PPFIBP1: variants seen among roughly 807,000 people sequenced by gnomAD.
PPFIBP1 encodes PPFIB scaffold protein 1.
Under a neutral mutation model 137.8 loss-of-function variants are expected in PPFIBP1, and 112 were observed. The ratio of observed to expected loss-of-function variants is 0.81; its 90% CI spans 0.70 to 0.95. PPFIBP1 has a LOEUF of 0.95. Among genes scored for constraint, PPFIBP1 ranks in the 40% least tolerant of loss-of-function variants. The probability of loss-of-function intolerance (pLI) is 0.00; values close to 1 mark genes in which losing one functional copy is unlikely to be tolerated. For synonymous variants in PPFIBP1, 378 were observed against 417.3 expected, an observed-to-expected ratio of 0.91 and a Z score of 1.15; for missense variants, 1,083 against 1,196.6, an observed-to-expected ratio of 0.91 and a Z score of 1.40.
At chr12:27,671,408 G>T in intron 13 of PPFIBP1, 23 bp from the exon 14 acceptor site, 2 of 1,340,952 alleles carry the variant, frequency 1.5e-6, no homozygotes, top group South Asian at 1.4e-5. Flanking sequence ...TTGATTGATT[G>T]ATTTTTTGTA....
At chr12:27,603,821 T>A (rs757554622) in intron 2 of PPFIBP1, among the ~76,000 whole-genome samples, 1 of 152,208 alleles carries the variant, frequency 6.6e-6, no homozygotes, top group African/African-American at 2.4e-5. Flanking sequence ...ATCTGGATGT[T>A]CAGAGCCAAC....
rs958085698 is a variant in PPFIBP1 at position 27,633,279 on chromosome 12, G to T, written c.-35-83G>T. 3.3e-6 allele frequency: 3 copies of T among 910,342 alleles called. No individual in the cohort carries two copies. In the African/African-American group the frequency reaches 5.0e-5, roughly 15 times the overall value. The allele number at this position is 910,342 out of a possible 1,614,324, so 56.4% of individuals were successfully genotyped here. A position where few individuals can be genotyped will look rare whatever the true frequency, so the allele number is the denominator to read the frequency against. On this transcript the variant is annotated intron_variant, in intron 2 of 29. Transcript: ENST00000228425. ...CTTCCATATTTGACTACACAGCAGA[G>T]TTATCATTTGAAGGTGAATTAGAAA... is the stretch of plus-strand genomic sequence containing the variant.
chr12:27,617,155 T>C (rs1271452921), intron 2 of PPFIBP1, among the ~76,000 whole-genome samples: 1 of 152,204 alleles, frequency 6.6e-6, no homozygotes, highest in African/African-American at 2.4e-5. Context: ...AGACATCCAA[T>C]AGAGGTGGCA....
chr12:27,558,982 C>G (rs1375366901), intron 1 of PPFIBP1, among the ~76,000 whole-genome samples: 1 of 151,646 alleles, frequency 6.6e-6, no homozygotes, highest in Non-Finnish European at 1.5e-5. Context: ...AGCCTCCCAA[C>G]TCTAATAGGT....
Position 27,576,532 on chromosome 12 carries a change from G to A in PPFIBP1, c.-123-1620G>A, listed in dbSNP as rs116946668. On this transcript the variant is annotated intron_variant, in intron 1 of 29. Coordinates refer to ENST00000228425, the MANE Select transcript of PPFIBP1 (RefSeq NM_003622.4). ...TTCTGCTCATTACGTTCCAGAGCAG[G>A]AGATGAGGGGGCTAAGTAGGGAAGA... Among the ~76,000 whole-genome samples, 271 of 152,274 alleles carry A rather than the reference G, an allele frequency of 1.8e-3. 2 individuals carry two copies. The South Asian group carries it at 0.035, about 20-fold the overall frequency.
intron 2 of PPFIBP1, among the ~76,000 whole-genome samples, chr12:27,590,777 G>C (rs2052407393): frequency 6.6e-6 from 1 of 152,192 alleles, no homozygotes; most frequent in African/African-American, 2.4e-5. Context: ...AAGCAAGTGT[G>C]TCCCCTTCGG....
At chr12:27,549,891 C>G (rs1242064222) in intron 1 of PPFIBP1, among the ~76,000 whole-genome samples, 1 of 152,164 alleles carries the variant, frequency 6.6e-6, no homozygotes, top group Non-Finnish European at 1.5e-5. Flanking sequence ...AAGGCGAGAC[C>G]TTGAAGCGTG....
intron 15 of PPFIBP1, among the ~76,000 whole-genome samples, chr12:27,672,727 G>C (rs910248011): frequency 2.0e-5 from 3 of 152,130 alleles, no homozygotes; most frequent in African/African-American, 7.2e-5. Flanking sequence ...GGGTTTTGCA[G>C]GTCTCTAGCC....
chr12:27,572,270 A>C (rs1427440536), intron 1 of PPFIBP1, among the ~76,000 whole-genome samples: 1 of 152,216 alleles, frequency 6.6e-6, no homozygotes, highest in Admixed American at 6.5e-5. Context: ...GTATACCAGG[A>C]AGCTGAACCA....
At chr12:27,599,315 G>T (rs2053690826) in intron 2 of PPFIBP1, 2 of 333,868 alleles carry the variant, frequency 6.0e-6, no homozygotes, top group Non-Finnish European at 1.2e-5. Context: ...GAGTAAAGGA[G>T]ATTTTGCACA....
rs1487686208 is a variant in PPFIBP1 at position 27,673,797 on chromosome 12, G to A, written c.1350G>A (p.Leu450=). The A allele has an allele frequency of 2.0e-5, 32 of 1,613,680 alleles. No individual in the cohort carries two copies. Among genetic ancestry groups the A allele is most frequent in the Non-Finnish European group, 2.7e-5 (32 of 1,179,726 alleles). Residue 450 remains leucine, a synonymous_variant, in exon 16 of 30, where the codon CTG becomes CTA. Transcript: ENST00000228425. ...LTSSLQKSSS[L]GNLKKETSDG... ...CAAGTCTGCAGAAGTCCAGCAGCCT[G>A]GGCAATCTGAAGAAAGAGACATCTG...
At chr12:27,657,292 G>A (rs1227703901) in intron 9 of PPFIBP1, among the ~76,000 whole-genome samples, 4 of 151,916 alleles carry the variant, frequency 2.6e-5, no homozygotes, top group African/African-American at 9.7e-5. Context: ...TTTGTTCTGA[G>A]TATTATATGG....
intron 12 of PPFIBP1, among the ~76,000 whole-genome samples, chr12:27,666,084 T>C (rs1399584881): frequency 6.7e-6 from 1 of 148,196 alleles, no homozygotes; most frequent in African/African-American, 2.5e-5. Context: ...GTAATTAGAC[T>C]ATATCGTAAA....
chr12:27,633,500 C>G (rs2057404989), intron 3 of PPFIBP1, 40 bp downstream of exon 3: 1 of 1,551,054 alleles, frequency 6.4e-7, no homozygotes, highest in Middle Eastern at 2.3e-4. Context: ...ACAACATTTA[C>G]TCTCCTCACT....
intron 28 of PPFIBP1, 43 bp downstream of exon 28, chr12:27,691,971 T>C (rs759173835): frequency 2.6e-6 from 4 of 1,511,796 alleles, no homozygotes; most frequent in African/African-American, 2.8e-5. Context: ...TCTTCCATCA[T>C]TCAGACACTA....
chr12:27,587,539 C>T (rs1458942182), intron 2 of PPFIBP1, among the ~76,000 whole-genome samples: 3 of 144,370 alleles, frequency 2.1e-5, no homozygotes, highest in Non-Finnish European at 4.5e-5. Context: ...AGGAGAATGG[C>T]TTGAACCCGG....
intron 2 of PPFIBP1, among the ~76,000 whole-genome samples, chr12:27,591,148 A>G (rs2052471383): frequency 6.6e-6 from 1 of 151,304 alleles, no homozygotes; most frequent in Admixed American, 6.6e-5. Context: ...TTTGCTAAAT[A>G]TTTGTAGAAG....
intron 8 of PPFIBP1, 48 bp from the exon 9 acceptor site, chr12:27,656,568 C>T: frequency 8.6e-7 from 1 of 1,158,992 alleles, no homozygotes; most frequent in South Asian, 1.2e-5. Flanking sequence ...TCTGAATGTT[C>T]CTTTTCAGTC....
chr12:27,596,645 G>T (rs1182912768), intron 2 of PPFIBP1, among the ~76,000 whole-genome samples: 1 of 152,096 alleles, frequency 6.6e-6, no homozygotes, highest in Admixed American at 6.5e-5. Context: ...AGCCTCCCAG[G>T]TAGCTAAGAC....
Sources: allele counts gnomAD v4.1 joint callset (sites outside exome capture counted in the v4.1 genomes callset), GRCh38; gene constraint gnomAD v4.1.1; transcripts MANE v1.5; gene names NCBI Gene and HGNC (gene_info 2026-07-23, HGNC 2026-07-21).